Variants in ALG11 observed in about 807,000 individuals in gnomAD.
The protein encoded by ALG11 is ALG11 alpha-1,2-mannosyltransferase.
Under a neutral mutation model 38.8 loss-of-function variants are expected in ALG11, and 26 were observed. The ratio of observed to expected loss-of-function variants is 0.67; its 90% CI spans 0.49 to 0.93. ALG11 has a LOEUF of 0.93. Ranked by LOEUF, ALG11 falls within the 40% of genes least tolerant of loss-of-function variation. The probability of loss-of-function intolerance (pLI) is 0.00; values close to 1 mark genes in which losing one functional copy is unlikely to be tolerated. For missense variants in ALG11, 535 were observed against 578.8 expected (o/e 0.92, Z 0.78); for synonymous variants, 199 against 211.6 (o/e 0.94, Z 0.52).
Position 52,019,505 on chromosome 13 carries a change from G to C in ALG11, c.275+362G>C, listed in dbSNP as rs1954167252. Reference sequence around the variant, plus strand: ...CAAAGTGTTGGTATTACAGGTGTGAGCCACCGTGCCCGGCCTCATCTTTCT... The same window carrying C: ...CAAAGTGTTGGTATTACAGGTGTGACCCACCGTGCCCGGCCTCATCTTTCT... On this transcript the variant is annotated intron_variant, in intron 2 of 3. Coordinates refer to ENST00000521508, the MANE Select transcript of ALG11 (RefSeq NM_001004127.3). Among the ~76,000 whole-genome samples, 3 of 152,256 alleles carry C rather than the reference G, an allele frequency of 2.0e-5. No homozygotes were observed. In the East Asian group the frequency reaches 5.8e-4, roughly 29 times the overall value.
intron 3 of ALG11, among the ~76,000 whole-genome samples, chr13:52,026,252 G>A (rs980074656): frequency 6.6e-6 from 1 of 152,230 alleles, no homozygotes; most frequent in Non-Finnish European, 1.5e-5. Context: ...GGAGAGAGGG[G>A]AGAGTCTCCA....
intron 1 of ALG11, among the ~76,000 whole-genome samples, chr13:52,018,462 A>G (rs1237154668): frequency 6.6e-6 from 1 of 152,216 alleles, no homozygotes; most frequent in Admixed American, 6.5e-5. Flanking sequence ...GAAGTGATGG[A>G]ATGAAAAAGA....
chr13:52,018,232 G>A (rs531978365), intron 1 of ALG11, among the ~76,000 whole-genome samples: 3 of 152,284 alleles, frequency 2.0e-5, no homozygotes, highest in East Asian at 1.9e-4. Context: ...AGCTTCAATC[G>A]ACCTGACAGC....
rs780511628 is a variant in ALG11 at position 52,019,031 on chromosome 13, A to G, written c.163A>G (p.Thr55Ala). Residue 55 changes from threonine (T) to alanine (A), a missense_variant, in exon 2 of 4, where the codon ACT (threonine) becomes GCT (alanine). Physicochemically the swap from Thr to Ala is moderately conservative, Grantham distance 58. Coordinates refer to ENST00000521508, the MANE Select transcript of ALG11 (RefSeq NM_001004127.3). ...ACAGAGAAAGAAAAAATTAGTGTCA[A>G]CTAGCAAAAATGGGAAAAATCAAAT... Reference protein sequence around the residue: ...LLQRKKKLVSTSKNGKNQMVI... With the variant: ...LLQRKKKLVSASKNGKNQMVI... 6 of 1,614,052 alleles carry G rather than the reference A, an allele frequency of 3.7e-6. No individual in the cohort carries two copies. Among genetic ancestry groups the G allele is most frequent in the South Asian group, 2.2e-5 (2 of 91,080 alleles).
In ALG11 at chr13:52,033,471, A is replaced by G. The variant is rs1378639206; in HGVS notation, c.*4881A>G. ...AAGAAGTGATTTTTCATTCTCTTGG[A>G]TTCTTTCCAGTGTGGTGCCTTTTAT... On this transcript the variant is annotated 3_prime_UTR_variant, in exon 4 of 4. Coordinates refer to ENST00000521508, the MANE Select transcript of ALG11 (RefSeq NM_001004127.3). The G allele has an allele frequency of 1.8e-5, 3 of 167,030 alleles. No individual in the cohort carries two copies. Among genetic ancestry groups the G allele is most frequent in the African/African-American group, 7.2e-5 (3 of 41,422 alleles). 10.3% of individuals were successfully genotyped at this position (167,030 alleles called of 1,614,324 possible).
In ALG11 at chr13:52,019,379, G is replaced by A. The variant is rs575928615; in HGVS notation, c.275+236G>A. ...TGGGACTACAGGTGCCCGCCACCAC[G>A]TCCGGCTAATTTTTTGTATTTTTAG... On this transcript the variant is annotated intron_variant, in intron 2 of 3. Transcript: ENST00000521508. 7.9e-5 allele frequency among the ~76,000 whole-genome samples: 12 copies of A among 151,894 alleles called. No individual in the cohort carries two copies. In the South Asian group the frequency reaches 1.9e-3, roughly 24 times the overall value.
chr13:52,033,107 A>G lies in ALG11; in HGVS notation c.*4517A>G, dbSNP rs530886511. On this transcript the variant is annotated 3_prime_UTR_variant, in exon 4 of 4. Coordinates refer to ENST00000521508, the MANE Select transcript of ALG11 (RefSeq NM_001004127.3). ...TATCATTGGAAGATATAATTTGCAT[A>G]TATGTTCATTATCAGTGTTCCTAAT... The G allele has an allele frequency of 2.4e-5, 4 of 167,216 alleles. No homozygotes were observed. Among genetic ancestry groups the G allele is most frequent in the African/African-American group, 7.2e-5 (3 of 41,570 alleles). 10.4% of individuals were successfully genotyped at this position (167,216 alleles called of 1,614,324 possible).
chr13:52,030,768 G>T lies in ALG11; in HGVS notation c.*2178G>T. The T allele has an allele frequency of 6.2e-7, 1 of 1,614,184 alleles. No homozygotes were observed. The highest frequency in any genetic ancestry group is 8.5e-7 in the Non-Finnish European group (1 of 1,180,032). Reference sequence around the variant, plus strand: ...CAGTTTCTCATTAAAGCCCCTGAGGGTCCTCCAAGAAAAGATAAGAATTTG... The same window carrying T: ...CAGTTTCTCATTAAAGCCCCTGAGGTTCCTCCAAGAAAAGATAAGAATTTG... On this transcript the variant is annotated 3_prime_UTR_variant, in exon 4 of 4. Coordinates refer to ENST00000521508, the MANE Select transcript of ALG11 (RefSeq NM_001004127.3).
intron 3 of ALG11, among the ~76,000 whole-genome samples, chr13:52,028,076 TAGTG>T (rs1954258714): frequency 6.6e-6 from 1 of 151,698 alleles, no homozygotes; most frequent in Non-Finnish European, 1.5e-5. Context: ...CTGGGCAACA[TAGTG>T]AGACCCTATC....
rs1237877439 is a variant in ALG11, at chr13:52,028,346, C to T, written c.1235C>T (p.Thr412Ile). ...GTTGTGGAGTGTATGGCAGCTGGCA[C>T]AATTATCCTTGCACACAATTCGGGG... ...IGVVECMAAG[T>I]IILAHNSGGP... Residue 412 changes from threonine to isoleucine, a missense_variant, in exon 4 of 4, where the codon ACA (threonine) becomes ATA (isoleucine). By Grantham distance (89) the Thr-to-Ile change is moderately conservative. Coordinates refer to ENST00000521508, the MANE Select transcript of ALG11 (RefSeq NM_001004127.3). The T allele has an allele frequency of 1.2e-6, 2 of 1,614,088 alleles. No individual in the cohort carries two copies.
At chr13:52,017,935 A>G (rs1954148747) in intron 1 of ALG11, among the ~76,000 whole-genome samples, 3 of 152,222 alleles carry the variant, frequency 2.0e-5, no homozygotes, top group South Asian at 4.1e-4. Context: ...CTGACTTTTT[A>G]TTATTTAACT....
At chr13:52,027,952 A>G (rs142598806) in intron 3 of ALG11, among the ~76,000 whole-genome samples, 115 of 152,190 alleles carry the variant, frequency 7.6e-4, no homozygotes, top group African/African-American at 2.6e-3. Context: ...CTACTTGTCT[A>G]TTTTAACTAA....
Position 52,024,307 on chromosome 13 carries a change from G to A in ALG11, c.577G>A (p.Val193Ile). 1.2e-6 allele frequency: 2 copies of A among 1,614,128 alleles called. No individual in the cohort carries two copies. Among genetic ancestry groups the A allele is most frequent in the South Asian group, 1.1e-5 (1 of 91,080 alleles). The change falls in exon 3 of 4, where the codon GTT becomes ATT. Residue 193 changes from valine (V) to isoleucine (I), a missense_variant. By Grantham distance (29) the Val-to-Ile change is conservative. Coordinates refer to ENST00000521508, the MANE Select transcript of ALG11 (RefSeq NM_001004127.3). ...GTTTAAGTATATAGGGGGTTGCCAA[G>A]TTGGAAGCTATGTTCATTATCCTAC... ...PLFKYIGGCQ[V>I]GSYVHYPTIS...
Position 52,029,730 on chromosome 13 carries a change from C to T in ALG11, c.*1140C>T. ...AGTGGGAAATGGGCCAAGTCAAAGG[C>T]AATTATGGCCAAATATGACCTGGAG... On this transcript the variant is annotated 3_prime_UTR_variant, in exon 4 of 4. Coordinates refer to ENST00000521508, the MANE Select transcript of ALG11 (RefSeq NM_001004127.3). 6 of 1,614,126 alleles carry T rather than the reference C, an allele frequency of 3.7e-6. No homozygotes were observed. The highest frequency in any genetic ancestry group is 1.3e-5 in the African/African-American group (1 of 75,004).
chr13:52,031,496 T>G lies in ALG11; in HGVS notation c.*2906T>G. ...GGCCAAGGTGCTGCCAGCAATCCTTTCCATACTAGGTACTGGTGAAAATTG... is the reference window on the plus strand; with the variant it reads ...GGCCAAGGTGCTGCCAGCAATCCTTGCCATACTAGGTACTGGTGAAAATTG... On this transcript the variant is annotated 3_prime_UTR_variant, in exon 4 of 4. Coordinates refer to ENST00000521508, the MANE Select transcript of ALG11 (RefSeq NM_001004127.3). 1 of 193,462 alleles carries G rather than the reference T, an allele frequency of 5.2e-6. No homozygotes were observed. The highest frequency in any genetic ancestry group is 1.5e-4 in the East Asian group (1 of 6,868). The allele number at this position is 193,462 out of a possible 1,614,324, so 12.0% of individuals were successfully genotyped here.
At chr13:52,018,289 A>C (rs1954151887) in intron 1 of ALG11, among the ~76,000 whole-genome samples, 1 of 152,190 alleles carries the variant, frequency 6.6e-6, no homozygotes. Flanking sequence ...TTTACTAATG[A>C]GTATTAAGTA....
At position 52,029,113 on chromosome 13, in the gene ALG11, A is replaced by T; in HGVS notation, c.*523A>T. The T allele has an allele frequency of 1.2e-6, 2 of 1,614,234 alleles. No individual in the cohort carries two copies. The highest frequency in any genetic ancestry group is 1.7e-6 in the Non-Finnish European group (2 of 1,180,044). ...CTTCATCTTCTTTGGCCACTGTAAA[A>T]AAGCAACTGAATAGAGTCAAATCAA... On this transcript the variant is annotated 3_prime_UTR_variant, in exon 4 of 4. Transcript: ENST00000521508.
rs562562566 is a variant in ALG11, at chr13:52,028,442, A to C, written c.1331A>C (p.Asp444Ala). 1.9e-6 allele frequency: 3 copies of C among 1,614,232 alleles called. No individual in the cohort carries two copies. The African/African-American group carries it at 4.0e-5, about 22-fold the overall frequency. Residue 444 changes from aspartate to alanine, a missense_variant, in exon 4 of 4, where the codon GAC becomes GCC. Coordinates refer to ENST00000521508, the MANE Select transcript of ALG11 (RefSeq NM_001004127.3). ...ITGFLAESEE[D>A]YAETIAHILS... The stretch of plus-strand genomic sequence containing the variant: ...GGCTTTCTGGCTGAGAGTGAAGAAG[A>C]CTATGCTGAAACTATCGCTCACATT...
At position 52,029,541 on chromosome 13, in the gene ALG11, T is replaced by C; in HGVS notation, c.*951T>C. 6.2e-7 allele frequency: 1 copy of C among 1,613,092 alleles called. No individual in the cohort carries two copies. The highest frequency in any genetic ancestry group is 1.1e-5 in the South Asian group (1 of 91,014). On this transcript the variant is annotated 3_prime_UTR_variant, in exon 4 of 4. Coordinates refer to ENST00000521508, the MANE Select transcript of ALG11 (RefSeq NM_001004127.3). ...GCCAAGGCTCGAAAAGAGAAGAAAA[T>C]CAAAAGTAAAAAGTATCACAAAGTC...
Sources: allele counts gnomAD v4.1 joint callset (sites outside exome capture counted in the v4.1 genomes callset), GRCh38; gene constraint gnomAD v4.1.1; transcripts MANE v1.5; gene names NCBI Gene and HGNC (gene_info 2026-07-23, HGNC 2026-07-21).